Variants in RANBP17 observed in about 807,000 individuals in gnomAD.
The protein encoded by RANBP17 is RAN binding protein 17.
Under a neutral mutation model 141.2 loss-of-function variants are expected in RANBP17, and 158 were observed. The ratio of observed to expected loss-of-function variants is 1.12; its 90% confidence interval spans 0.98 to 1.28. RANBP17 has a LOEUF of 1.28. RANBP17 is among the 50% of genes most tolerant of loss of function. RANBP17 has a pLI of 0.00. For synonymous variants in RANBP17, 430 were observed against 450.0 expected, an observed-to-expected ratio of 0.96 and a Z score of 0.56; for missense variants, 1,438 against 1,290.7, an observed-to-expected ratio of 1.11 and a Z score of -1.75.
chr5:170,926,577 C>T (rs986863932), intron 12 of RANBP17, among the ~76,000 whole-genome samples: 1 of 152,046 alleles, frequency 6.6e-6, no homozygotes, highest in African/African-American at 2.4e-5. Flanking sequence ...GTAAATATCA[C>T]TCCAAGTTTG....
chr5:171,097,018 G>T (rs1786744095), intron 14 of RANBP17, among the ~76,000 whole-genome samples: 1 of 152,020 alleles, frequency 6.6e-6, no homozygotes, highest in Non-Finnish European at 1.5e-5. Context: ...TTGAATTTGT[G>T]TTTTTTATAC....
At chr5:171,072,682 A>G (rs2127695571) in intron 14 of RANBP17, among the ~76,000 whole-genome samples, 1 of 152,326 alleles carries the variant, frequency 6.6e-6, no homozygotes, top group South Asian at 2.1e-4. Flanking sequence ...GTGGGAATGC[A>G]GAATGGCATA....
chr5:171,235,428 C>G (rs1477703612), intron 22 of RANBP17, among the ~76,000 whole-genome samples: 4 of 149,678 alleles, frequency 2.7e-5, no homozygotes, highest in Non-Finnish European at 5.9e-5. Context: ...TAGAGAAGGG[C>G]AAAAATTGTT....
At chr5:170,925,784 A>T (rs1772870118) in intron 12 of RANBP17, among the ~76,000 whole-genome samples, 1 of 92,398 alleles carries the variant, frequency 1.1e-5, no homozygotes, top group African/African-American at 2.8e-5. Context: ...CGTTATACAA[A>T]TGGAATCATA....
intron 15 of RANBP17, 60 bp downstream of exon 15, chr5:171,170,263 T>A: frequency 2.4e-6 from 2 of 824,966 alleles, no homozygotes; most frequent in Non-Finnish European, 3.8e-6. Context: ...GTAATAGATC[T>A]TTTTATTGTA....
At chr5:170,915,484 A>G (rs908443362) in intron 8 of RANBP17, among the ~76,000 whole-genome samples, 2 of 152,046 alleles carry the variant, frequency 1.3e-5, no homozygotes, top group African/African-American at 4.8e-5. Context: ...AGTGGTTCCT[A>G]TACTTGTACT....
chr5:170,890,508 C>T (rs951953088), intron 3 of RANBP17, among the ~76,000 whole-genome samples: 2 of 152,048 alleles, frequency 1.3e-5, no homozygotes, highest in Non-Finnish European at 2.9e-5. Flanking sequence ...AAGAATCTTA[C>T]TACAATTATC....
intron 14 of RANBP17, among the ~76,000 whole-genome samples, chr5:171,015,661 T>C (rs1384956051): frequency 6.6e-6 from 1 of 152,150 alleles, no homozygotes; most frequent in Non-Finnish European, 1.5e-5. Context: ...TTTTTTTGTA[T>C]TCCTATAAAT....
intron 24 of RANBP17, among the ~76,000 whole-genome samples, chr5:171,244,989 C>A (rs894355300): frequency 6.6e-6 from 1 of 151,900 alleles, no homozygotes; most frequent in Non-Finnish European, 1.5e-5. Context: ...ATTAGCCGGG[C>A]TTGGTAGCGG....
chr5:171,061,848 T>C (rs898231998), intron 14 of RANBP17, among the ~76,000 whole-genome samples: 16 of 152,256 alleles, frequency 1.1e-4, no homozygotes, highest in Non-Finnish European at 1.8e-4. Flanking sequence ...TGGGTGCTCC[T>C]GTATTGGGTG....
chr5:170,962,984 A>T (rs1238981392), intron 13 of RANBP17, among the ~76,000 whole-genome samples: 3 of 152,182 alleles, frequency 2.0e-5, no homozygotes, highest in Non-Finnish European at 4.4e-5. Context: ...GAAAGTAGTT[A>T]TGTTTTACTT....
intron 14 of RANBP17, among the ~76,000 whole-genome samples, chr5:170,971,720 G>A (rs1465914995): frequency 6.6e-6 from 1 of 152,090 alleles, no homozygotes; most frequent in African/African-American, 2.4e-5. Flanking sequence ...TACTTTTGGA[G>A]TATCTCTCAG....
At chr5:171,297,064 A>C (rs1768865240) in intron 27 of RANBP17, among the ~76,000 whole-genome samples, 2 of 152,174 alleles carry the variant, frequency 1.3e-5, no homozygotes, top group South Asian at 4.1e-4. Context: ...GTGATGTTTA[A>C]ATGACAGAAC....
chr5:170,902,875 G>T (rs906892111), intron 5 of RANBP17, among the ~76,000 whole-genome samples: 1 of 152,184 alleles, frequency 6.6e-6, no homozygotes, highest in African/African-American at 2.4e-5. Flanking sequence ...AAAGATTGCT[G>T]CCTGTTTCCT....
At chr5:171,275,242 A>G (rs1158379508) in intron 25 of RANBP17, among the ~76,000 whole-genome samples, 1 of 152,232 alleles carries the variant, frequency 6.6e-6, no homozygotes, top group Non-Finnish European at 1.5e-5. Context: ...AATATCATAT[A>G]TAATTTTTTT....
At chr5:171,240,865 G>T (rs1035955530) in intron 22 of RANBP17, 63 bp from the exon 23 acceptor site, 2 of 1,035,272 alleles carry the variant, frequency 1.9e-6, no homozygotes, top group Admixed American at 4.1e-5. Flanking sequence ...GTTAAATAGT[G>T]TGTCCCATAA....
At chr5:171,276,640 C>T (rs1041960520) in intron 25 of RANBP17, among the ~76,000 whole-genome samples, 1 of 152,008 alleles carries the variant, frequency 6.6e-6, no homozygotes, top group South Asian at 2.1e-4. Context: ...TATTAGTCTG[C>T]AACAAATGTT....
intron 14 of RANBP17, among the ~76,000 whole-genome samples, chr5:170,974,592 C>T (rs1487405127): frequency 1.3e-5 from 2 of 152,154 alleles, no homozygotes; most frequent in Non-Finnish European, 2.9e-5. Flanking sequence ...TAGGCATTGC[C>T]ATAGTGGGGA....
intron 14 of RANBP17, among the ~76,000 whole-genome samples, chr5:171,048,843 G>A (rs1434333600): frequency 6.6e-6 from 1 of 152,174 alleles, no homozygotes; most frequent in Non-Finnish European, 1.5e-5. Context: ...GTAGTGCACA[G>A]TGTGTATGTG....
Sources: allele counts gnomAD v4.1 joint callset (sites outside exome capture counted in the v4.1 genomes callset), GRCh38; gene constraint gnomAD v4.1.1; transcripts MANE v1.5; gene names NCBI Gene and HGNC (gene_info 2026-07-23, HGNC 2026-07-21).